Variants in CPZ observed in about 807,000 individuals in gnomAD.
CPZ encodes the protein VEZT/CPZ fusion.
CPZ carries 103 observed loss-of-function variants against 61.8 expected under a neutral mutation model. That is an observed-to-expected ratio of 1.67 (90% confidence interval 1.42 to 1.96). The LOEUF (loss-of-function observed/expected upper bound fraction) is 1.96. Among genes scored for constraint, CPZ ranks in the 30% most tolerant of loss-of-function variants. The pLI, the probability that CPZ is intolerant of heterozygous loss-of-function variation, is 0.00. For missense variants in CPZ, 1,461 were observed against 914.9 expected (o/e 1.60, Z -7.70); for synonymous variants, 551 against 373.7 (o/e 1.47, Z -5.47).
At chr4:8,603,306 G>T (rs932781066) in intron 3 of CPZ, 9 of 152,330 alleles carry the variant, frequency 5.9e-5, no homozygotes, top group African/African-American at 2.2e-4. Flanking sequence ...TGTTCTAGTG[G>T]ATGACAGGAT....
intron 8 of CPZ, 41 bp from the exon 9 acceptor site, chr4:8,614,318 C>T (rs772998363): frequency 8.2e-5 from 130 of 1,592,666 alleles, no homozygotes; most frequent in Middle Eastern, 3.5e-4. Context: ...TGTCTCTGTG[C>T]GGCTGACACC....
rs1274564654 is a variant in CPZ at position 8,616,662 on chromosome 4, C to A, written c.1504-1767C>A. The stretch of plus-strand genomic sequence containing the variant: ...ATTCTTAGCAGAGAAGGCTCAGATG[C>A]TGTCTGGGGGTGAGGAGGAGCCACA... On this transcript the variant is annotated intron_variant, in intron 9 of 10. Coordinates refer to ENST00000360986, the MANE Select transcript of CPZ (RefSeq NM_001014447.3). Among the ~76,000 whole-genome samples the A allele has an allele frequency of 3.9e-5, 6 of 152,286 alleles. No individual in the cohort carries two copies. In the East Asian group the frequency reaches 9.7e-4, roughly 24 times the overall value.
At position 8,601,120 on chromosome 4, in the gene CPZ, C is replaced by G. The variant is rs1714543965; in HGVS notation, c.122-3C>G. On this transcript the variant is annotated splice_polypyrimidine_tract_variant and splice_region_variant and intron_variant, in intron 2 of 10. Transcript: ENST00000360986. Reference sequence around the variant, plus strand: ...GACTGACCTGCCGACCCTGCCTCCCCAGCCACCTGCGTGGACCTGCAGCTC... The same window carrying G: ...GACTGACCTGCCGACCCTGCCTCCCGAGCCACCTGCGTGGACCTGCAGCTC... The G allele has an allele frequency of 1.3e-6, 2 of 1,562,624 alleles. No individual in the cohort carries two copies. The highest frequency in any genetic ancestry group is 4.6e-5 in the East Asian group (2 of 43,872).
At chr4:8,607,728 C>T (rs1423388735) in intron 7 of CPZ, among the ~76,000 whole-genome samples, 1 of 152,200 alleles carries the variant, frequency 6.6e-6, no homozygotes, top group Non-Finnish European at 1.5e-5. Context: ...TTCCTTTGAG[C>T]TCCGCCCCGC....
At chr4:8,612,197 TG>T (rs777181061) in intron 8 of CPZ, 35 bp downstream of exon 8, 4 of 99,682 alleles carry the variant, frequency 4.0e-5, no homozygotes, top group Non-Finnish European at 4.9e-5. Flanking sequence ...GGGCGGGGGG[TG>T]GGGGGTGCAG....
chr4:8,601,017 C>T, intron 2 of CPZ, 106 bp from the exon 3 acceptor site: 1 of 1,439,904 alleles, frequency 6.9e-7, no homozygotes, highest in South Asian at 1.6e-5. Context: ...GTGGGTGCCC[C>T]TCCCTGCAGG....
In CPZ at chr4:8,594,953, T is replaced by C. The variant is rs140821960; in HGVS notation, c.88+2032T>C. Among the ~76,000 whole-genome samples the C allele has an allele frequency of 1.6e-3, 247 of 152,282 alleles. 1 individual carries two copies. The East Asian group carries it at 0.022, about 14-fold the overall frequency. ...GCGCCCAACTAATTTTTTGTAGTTT[T>C]AGTAGAGACAGGGTTTCACCGTGTT... is the stretch of plus-strand genomic sequence containing the variant. On this transcript the variant is annotated intron_variant, in intron 1 of 10. Transcript: ENST00000360986.
At chr4:8,595,111 C>A (rs1364608464) in intron 1 of CPZ, among the ~76,000 whole-genome samples, 1 of 152,236 alleles carries the variant, frequency 6.6e-6, no homozygotes, top group Non-Finnish European at 1.5e-5. Flanking sequence ...CCAAAATATT[C>A]CAGCATTTTG....
In CPZ at chr4:8,618,517, A is replaced by C. The variant is rs1716402839; in HGVS notation, c.1592A>C (p.Asp531Ala). 1.2e-6 allele frequency: 2 copies of C among 1,613,812 alleles called. No homozygotes were observed. The highest frequency in any genetic ancestry group is 4.5e-5 in the East Asian group (2 of 44,856). ...ARISVKGIRH[D>A]ITTAPDGDYW... ...ATCTCAGTCAAAGGCATTCGCCACG[A>C]CATCACCACAGGTGAGCACGTCCCT... Residue 531 changes from aspartate to alanine, a missense_variant, in exon 10 of 11, where the codon GAC becomes GCC. Coordinates refer to ENST00000360986, the MANE Select transcript of CPZ (RefSeq NM_001014447.3).
At chr4:8,605,143 CA>C (rs1435760811) in intron 4 of CPZ, among the ~76,000 whole-genome samples, 1 of 152,228 alleles carries the variant, frequency 6.6e-6, no homozygotes, top group Non-Finnish European at 1.5e-5. Flanking sequence ...ATCTGAGGAA[CA>C]CGGGTGTTTC....
Position 8,606,831 on chromosome 4 carries a change from G to T in CPZ, c.1001G>T (p.Arg334Leu). ...CCGGACCTGACGTCCGAGTACTACC[G>T]GCTGGCGGAGACCCGCGGCGCACGC... ...NFPDLTSEYY[R>L]LAETRGARSD... Residue 334 changes from arginine (R) to leucine (L), a missense_variant, in exon 6 of 11, where the codon CGG becomes CTG. Physicochemically the swap from Arg to Leu is moderately radical, Grantham distance 102. Coordinates refer to ENST00000360986, the MANE Select transcript of CPZ (RefSeq NM_001014447.3). 1 of 1,613,872 alleles carries T rather than the reference G, an allele frequency of 6.2e-7. No individual in the cohort carries two copies. Among genetic ancestry groups the T allele is most frequent in the Non-Finnish European group, 8.5e-7 (1 of 1,179,976 alleles).
At position 8,618,516 on chromosome 4, in the gene CPZ, G is replaced by A. The variant is rs751421093; in HGVS notation, c.1591G>A (p.Asp531Asn). The change falls in exon 10 of 11, where the codon GAC (aspartate) becomes AAC (asparagine). Residue 531 changes from aspartate (D) to asparagine (N), a missense_variant. Physicochemically the swap from Asp to Asn is conservative, Grantham distance 23 (BLOSUM62 1). Transcript: ENST00000360986. ...ARISVKGIRH[D>N]ITTAPDGDYW... ...GATCTCAGTCAAAGGCATTCGCCAC[G>A]ACATCACCACAGGTGAGCACGTCCC... The A allele has an allele frequency of 1.5e-5, 25 of 1,613,636 alleles. No homozygotes were observed. Among genetic ancestry groups the A allele is most frequent in the African/African-American group, 6.7e-5 (5 of 74,918 alleles).
At position 8,610,731 on chromosome 4, in the gene CPZ, C is replaced by T. The variant is rs1007036660; in HGVS notation, c.1228-1296C>T. 3.3e-5 allele frequency among the ~76,000 whole-genome samples: 5 copies of T among 152,170 alleles called. 1 individual carries two copies. Among genetic ancestry groups the T allele is most frequent in the Admixed American group, 3.3e-4 (5 of 15,282 alleles). On this transcript the variant is annotated intron_variant, in intron 7 of 10. Transcript: ENST00000360986. ...CACTCCTGAGCTGATGCTGCCCCACCCACAGGTGCAGGGGCTGCTGGCAGG... is the reference window on the plus strand; with the variant it reads ...CACTCCTGAGCTGATGCTGCCCCACTCACAGGTGCAGGGGCTGCTGGCAGG...
chr4:8,612,459 T>C (rs987886183), intron 8 of CPZ, among the ~76,000 whole-genome samples: 1 of 152,152 alleles, frequency 6.6e-6, no homozygotes, highest in African/African-American at 2.4e-5. Flanking sequence ...ATTAGGGAAG[T>C]GGAGTTGCCA....
At chr4:8,618,670 G>A in intron 10 of CPZ, 142 bp downstream of exon 10, 2 of 766,302 alleles carry the variant, frequency 2.6e-6, no homozygotes, top group Non-Finnish European at 4.2e-6. Flanking sequence ...GCTGGGTCGG[G>A]GAGGGTGGGC....
At position 8,619,429 on chromosome 4, in the gene CPZ, T is replaced by G; in HGVS notation, c.1771T>G (p.Phe591Val). 1 of 1,613,978 alleles carries G rather than the reference T, an allele frequency of 6.2e-7. No individual in the cohort carries two copies. Among genetic ancestry groups the G allele is most frequent in the Non-Finnish European group, 8.5e-7 (1 of 1,179,944 alleles). Residue 591 changes from phenylalanine to valine, a missense_variant, in exon 11 of 11, where the codon TTT (phenylalanine) becomes GTT (valine). Coordinates refer to ENST00000360986, the MANE Select transcript of CPZ (RefSeq NM_001014447.3). ...LQPLGMGPKN[F>V]IHGLRRTGPH... Reference sequence around the variant, plus strand: ...ACCTCTGGGGATGGGACCCAAGAACTTTATTCATGGGCTGCGGAGGACTGG... The same window carrying G: ...ACCTCTGGGGATGGGACCCAAGAACGTTATTCATGGGCTGCGGAGGACTGG...
rs1309275638 is a variant in CPZ, at chr4:8,609,051, CCTCCCTCA to C, written c.1227+1638_1227+1645del. ...CCTTCACTCACCCATTCACTCCCTCCCTCCCTCACTCCCTCACTCACCACTCATACATT... is the reference window on the plus strand; with the variant it reads ...CCTTCACTCACCCATTCACTCCCTCCCTCCCTCACTCACCACTCATACATT... On this transcript the variant is annotated intron_variant, in intron 7 of 10. Transcript: ENST00000360986. Among the ~76,000 whole-genome samples the C allele has an allele frequency of 5.3e-5, 5 of 94,226 alleles. 1 individual carries two copies. The highest frequency in any genetic ancestry group is 2.2e-4 in the African/African-American group (4 of 18,588). The allele number at this position is 94,226 out of a possible 152,430, so 61.8% of individuals were successfully genotyped here.
intron 7 of CPZ, among the ~76,000 whole-genome samples, chr4:8,610,696 C>A (rs1390001405): frequency 2.6e-5 from 4 of 152,174 alleles, no homozygotes; most frequent in African/African-American, 9.7e-5. Context: ...TGCTATGAGG[C>A]AGGGCAGGCC....
At chr4:8,618,290 G>T in intron 9 of CPZ, 139 bp from the exon 10 acceptor site, 1 of 700,230 alleles carries the variant, frequency 1.4e-6, no homozygotes. Context: ...GGCAGAGCGA[G>T]GGCTGGCAGA....
Sources: allele counts gnomAD v4.1 joint callset (sites outside exome capture counted in the v4.1 genomes callset), GRCh38; gene constraint gnomAD v4.1.1; transcripts MANE v1.5; gene names NCBI Gene and HGNC (gene_info 2026-07-23, HGNC 2026-07-21).